Variants in SDK1 observed in about 807,000 individuals in gnomAD.
SDK1 encodes the protein sidekick cell adhesion molecule 1.
Under a neutral mutation model 245.5 loss-of-function variants are expected in SDK1, and 157 were observed. That is an observed-to-expected ratio of 0.64 (90% CI 0.56 to 0.73). The LOEUF (loss-of-function observed/expected upper bound fraction) is 0.73, where lower values mean the gene tolerates loss of function less well. Ranked by LOEUF, SDK1 falls within the 30% of genes least tolerant of loss-of-function variation. The probability of loss-of-function intolerance (pLI) is 0.00; values close to 1 mark genes in which losing one functional copy is unlikely to be tolerated. For synonymous variants in SDK1, 1,647 were observed against 1,278.5 expected (o/e 1.29, Z -6.15); for missense variants, 3,583 against 3,002.3 (o/e 1.19, Z -4.52).
chr7:3,932,899 G>A (rs1457162087), intron 5 of SDK1, among the ~76,000 whole-genome samples: 2 of 152,132 alleles, frequency 1.3e-5, no homozygotes, highest in African/African-American at 4.8e-5. Flanking sequence ...TTCAGATAGG[G>A]TGTGGCCGAT....
intron 35 of SDK1, among the ~76,000 whole-genome samples, chr7:4,205,262 C>G (rs1163484591): frequency 6.6e-6 from 1 of 152,174 alleles, no homozygotes; most frequent in Admixed American, 6.5e-5. Context: ...TCATCTAGAT[C>G]AGGGCTTCAT....
intron 1 of SDK1, among the ~76,000 whole-genome samples, chr7:3,460,882 C>A (rs777499101): frequency 1.3e-5 from 2 of 152,090 alleles, no homozygotes; most frequent in Non-Finnish European, 2.9e-5. Context: ...AAAAATAAGT[C>A]TTAGACTAGA....
chr7:4,030,344 G>T (rs1787703411), intron 17 of SDK1, among the ~76,000 whole-genome samples: 1 of 152,232 alleles, frequency 6.6e-6, no homozygotes, highest in African/African-American at 2.4e-5. Context: ...GGGAACCAAT[G>T]GGCAGAAGTT....
intron 1 of SDK1, among the ~76,000 whole-genome samples, chr7:3,577,281 C>G (rs114201285): frequency 6.6e-6 from 1 of 152,044 alleles, no homozygotes; most frequent in Admixed American, 6.6e-5. Context: ...CTAATAGCAG[C>G]GCTCTGAGAT....
At chr7:3,723,388 A>G (rs971425996) in intron 4 of SDK1, among the ~76,000 whole-genome samples, 1 of 152,222 alleles carries the variant, frequency 6.6e-6, no homozygotes, top group Non-Finnish European at 1.5e-5. Context: ...TGATAAAAGG[A>G]AACTTCTAAG....
At chr7:3,679,957 T>G (rs1784048855) in intron 4 of SDK1, among the ~76,000 whole-genome samples, 1 of 152,126 alleles carries the variant, frequency 6.6e-6, no homozygotes. Context: ...CACACGCAAA[T>G]GTTCACAGAG....
At chr7:3,698,746 G>C (rs988124816) in intron 4 of SDK1, among the ~76,000 whole-genome samples, 1 of 152,182 alleles carries the variant, frequency 6.6e-6, no homozygotes, top group East Asian at 1.9e-4. Context: ...TCACATGGCA[G>C]GTAGAGAGAG....
At chr7:3,329,898 A>G (rs1780027163) in intron 1 of SDK1, among the ~76,000 whole-genome samples, 1 of 152,224 alleles carries the variant, frequency 6.6e-6, no homozygotes, top group South Asian at 2.1e-4. Flanking sequence ...GACTTAATAT[A>G]TGAGAGGGTG....
intron 1 of SDK1, among the ~76,000 whole-genome samples, chr7:3,465,104 T>C (rs1780952572): frequency 6.6e-6 from 1 of 152,140 alleles, no homozygotes; most frequent in African/African-American, 2.4e-5. Flanking sequence ...GTAAGTGAGA[T>C]TACCGTTAGG....
intron 5 of SDK1, among the ~76,000 whole-genome samples, chr7:3,854,945 G>A (rs141195640): frequency 2.9e-4 from 44 of 152,160 alleles, no homozygotes; most frequent in African/African-American, 1.0e-3. Context: ...GGACCCAGGT[G>A]CACATGCAGG....
At chr7:3,955,783 C>T (rs1228209477) in intron 7 of SDK1, among the ~76,000 whole-genome samples, 4 of 152,196 alleles carry the variant, frequency 2.6e-5, no homozygotes, top group Non-Finnish European at 5.9e-5. Context: ...GGTCCTTCTC[C>T]ACTGCGGTTG....
chr7:4,041,737 A>G (rs75558718), intron 17 of SDK1, among the ~76,000 whole-genome samples: 8,632 of 136,822 alleles, frequency 0.063, 2,420 homozygotes, highest in African/African-American at 0.2. Context: ...TCACTGAGGA[A>G]TGTTTAATGC....
chr7:3,440,501 C>T (rs1056551337), intron 1 of SDK1, among the ~76,000 whole-genome samples: 1 of 152,128 alleles, frequency 6.6e-6, no homozygotes, highest in African/African-American at 2.4e-5. Context: ...GAGGGATTTG[C>T]TCTTTGAGGT....
At chr7:3,858,323 C>T (rs549134463) in intron 5 of SDK1, among the ~76,000 whole-genome samples, 12 of 151,856 alleles carry the variant, frequency 7.9e-5, no homozygotes, top group East Asian at 1.9e-4. Flanking sequence ...AGGCTAAGAG[C>T]GGGAGGATTG....
chr7:3,572,625 C>G (rs79748848), intron 1 of SDK1, among the ~76,000 whole-genome samples: 3 of 151,952 alleles, frequency 2.0e-5, no homozygotes, highest in Non-Finnish European at 4.4e-5. Flanking sequence ...TTTATTCTGA[C>G]GAGCTTTACT....
At chr7:4,219,674 C>T (rs1013072180) in intron 38 of SDK1, among the ~76,000 whole-genome samples, 6 of 152,220 alleles carry the variant, frequency 3.9e-5, no homozygotes, top group Middle Eastern at 3.4e-3. Flanking sequence ...TCCCCTCCCT[C>T]GTGACTATGT....
At chr7:4,128,315 T>C (rs60440642) in intron 26 of SDK1, among the ~76,000 whole-genome samples, 63,487 of 152,074 alleles carry the variant, frequency 0.42, 14,310 homozygotes, top group East Asian at 0.89. Context: ...CTTCCCCGGG[T>C]GTTCTAAGTG....
intron 1 of SDK1, among the ~76,000 whole-genome samples, chr7:3,548,343 A>C (rs921089653): frequency 3.9e-5 from 6 of 152,204 alleles, no homozygotes; most frequent in African/African-American, 1.4e-4. Context: ...TTATTGTTCT[A>C]AATGTTCTAA....
chr7:4,034,820 A>G (rs1259664446), intron 17 of SDK1, among the ~76,000 whole-genome samples: 2 of 152,234 alleles, frequency 1.3e-5, no homozygotes, highest in Admixed American at 6.5e-5. Flanking sequence ...TATATCCACA[A>G]GATGGCATAT....
Sources: allele counts gnomAD v4.1 joint callset (sites outside exome capture counted in the v4.1 genomes callset), GRCh38; gene constraint gnomAD v4.1.1; transcripts MANE v1.5; gene names NCBI Gene and HGNC (gene_info 2026-07-23, HGNC 2026-07-21).